CGNL1: variants seen among roughly 807,000 people sequenced by gnomAD.
CGNL1 encodes the protein cingulin-like protein 1.
In CGNL1, 132 loss-of-function variants were observed where a neutral mutation model predicts 141.2. The observed-to-expected ratio is 0.93, with a 90% CI of 0.81 to 1.08. CGNL1 has a LOEUF of 1.08. Among genes scored for constraint, CGNL1 ranks in the 50% least tolerant of loss-of-function variants. The pLI is 0.00. For synonymous variants in CGNL1, 690 were observed against 622.1 expected, an observed-to-expected ratio of 1.11 and a Z score of -1.63; for missense variants, 1,870 against 1,588.6, an observed-to-expected ratio of 1.18 and a Z score of -3.01.
chr15:57,403,492 G>T (rs1213992214), intron 1 of CGNL1, among the ~76,000 whole-genome samples: 1 of 152,134 alleles, frequency 6.6e-6, no homozygotes, highest in African/African-American at 2.4e-5. Context: ...TGATGCCAAG[G>T]AGTTTATTTC....
chr15:57,399,517 C>T (rs971612700), intron 1 of CGNL1, among the ~76,000 whole-genome samples: 7 of 149,250 alleles, frequency 4.7e-5, no homozygotes, highest in Non-Finnish European at 1.0e-4. Context: ...CAGGCTTAAT[C>T]ACCTGAAGAC....
At chr15:57,404,700 A>T (rs548962613) in intron 1 of CGNL1, among the ~76,000 whole-genome samples, 1 of 152,160 alleles carries the variant, frequency 6.6e-6, no homozygotes, top group Non-Finnish European at 1.5e-5. Context: ...GAGAACCCCA[A>T]ATTTCTTCCC....
intron 14 of CGNL1, 89 bp from the exon 15 acceptor site, chr15:57,543,607 G>T: frequency 2.6e-6 from 3 of 1,164,804 alleles, no homozygotes; most frequent in South Asian, 1.3e-5. Context: ...TAAAGTGGAG[G>T]TTGACATTCA....
At chr15:57,540,999 C>T (rs768142536) in intron 14 of CGNL1, among the ~76,000 whole-genome samples, 68 of 152,292 alleles carry the variant, frequency 4.5e-4, no homozygotes, top group African/African-American at 1.6e-3. Context: ...TGGAGGCAGG[C>T]GCCTCTGGCT....
chr15:57,394,847 C>A (rs1481354646), intron 1 of CGNL1, among the ~76,000 whole-genome samples: 1 of 152,228 alleles, frequency 6.6e-6, no homozygotes, highest in African/African-American at 2.4e-5. Context: ...CGCAGTGGCT[C>A]ATGCCTGTAA....
chr15:57,453,581 G>T, intron 6 of CGNL1, 102 bp from the exon 7 acceptor site: 1 of 1,453,522 alleles, frequency 6.9e-7, no homozygotes. Context: ...GGCTCCTTGG[G>T]GCTTTAGAGA....
intron 16 of CGNL1, 98 bp from the exon 17 acceptor site, chr15:57,545,494 G>C: frequency 9.7e-7 from 1 of 1,027,412 alleles, no homozygotes; most frequent in South Asian, 1.4e-5. Flanking sequence ...AGCTGACCAG[G>C]CACCCCTGGC....
At chr15:57,396,594 A>C (rs1249931777) in intron 1 of CGNL1, among the ~76,000 whole-genome samples, 3 of 152,176 alleles carry the variant, frequency 2.0e-5, no homozygotes, top group Non-Finnish European at 2.9e-5. Flanking sequence ...ATTCTTGTAC[A>C]TGATTTGTAT....
chr15:57,448,257 C>G (rs1227024831), intron 4 of CGNL1, among the ~76,000 whole-genome samples: 1 of 152,046 alleles, frequency 6.6e-6, no homozygotes, highest in African/African-American at 2.4e-5. Context: ...TTACAGTGAG[C>G]TGTGATCCAG....
chr15:57,487,514 T>C (rs2063800909), intron 8 of CGNL1, among the ~76,000 whole-genome samples: 3 of 152,238 alleles, frequency 2.0e-5, no homozygotes, highest in African/African-American at 7.2e-5. Flanking sequence ...AGGGTTGGCA[T>C]TCTCTGATAT....
intron 5 of CGNL1, 28 bp from the exon 6 acceptor site, chr15:57,452,113 T>A (rs1018269): frequency 0.48 from 760,496 of 1,598,636 alleles, 183,012 homozygotes; most frequent in South Asian, 0.58. Flanking sequence ...CAGTGGAGGC[T>A]CTTTAAAATC....
intron 8 of CGNL1, among the ~76,000 whole-genome samples, chr15:57,469,062 G>A (rs2152342846): frequency 6.6e-6 from 1 of 152,226 alleles, no homozygotes; most frequent in Admixed American, 6.5e-5. Flanking sequence ...GTGTGAAAAT[G>A]GACTAATACA....
intron 9 of CGNL1, among the ~76,000 whole-genome samples, chr15:57,518,146 A>C (rs1393939214): frequency 1.7e-5 from 2 of 116,884 alleles, no homozygotes; most frequent in Admixed American, 2.0e-4. Flanking sequence ...TCTCTAAAAA[A>C]ATAAAAAATA....
chr15:57,539,011 C>T (rs184632241), intron 14 of CGNL1, among the ~76,000 whole-genome samples: 165 of 152,288 alleles, frequency 1.1e-3, no homozygotes, highest in Non-Finnish European at 1.8e-3. Flanking sequence ...AGGGTGATAA[C>T]ATCTGCCTCG....
intron 7 of CGNL1, among the ~76,000 whole-genome samples, chr15:57,458,945 C>A (rs2063413089): frequency 6.6e-6 from 1 of 152,188 alleles, no homozygotes; most frequent in South Asian, 2.1e-4. Context: ...TGCAATGCAG[C>A]CCCACCCTGG....
At position 57,516,929 on chromosome 15, in the gene CGNL1, G is replaced by A; in HGVS notation, c.2553G>A (p.Gln851=). The A allele has an allele frequency of 6.2e-7, 1 of 1,614,106 alleles. No homozygotes were observed. The highest frequency in any genetic ancestry group is 8.5e-7 in the Non-Finnish European group (1 of 1,180,026). ...LERRVAQLQR[Q]IEDLKGDEAK... is the part of the protein sequence containing the mutation. ...GGAGAGTTGCTCAGCTTCAAAGGCA[G>A]ATCGAGGACCTGAAAGGCGATGAAG... The change falls in exon 9 of 19, where the codon CAG becomes CAA. Residue 851 remains glutamine (Q), a synonymous_variant. Transcript: ENST00000281282.
chr15:57,474,111 A>G (rs1254393193), intron 8 of CGNL1, among the ~76,000 whole-genome samples: 4 of 151,634 alleles, frequency 2.6e-5, no homozygotes, highest in African/African-American at 7.3e-5. Context: ...GGGTTTCACC[A>G]TATTGGCCAG....
intron 8 of CGNL1, among the ~76,000 whole-genome samples, chr15:57,464,916 G>GT (rs1434829676): frequency 1.3e-5 from 2 of 151,480 alleles, no homozygotes; most frequent in Non-Finnish European, 2.9e-5. Context: ...CGCCTGGCTA[G>GT]TTTTTTTGTA....
rs538156183 is a variant in CGNL1 at position 57,450,623 on chromosome 15, A to T, written c.1804-877A>T. The stretch of plus-strand genomic sequence containing the variant: ...TTTCCTAATGACATTGTCTGTGCTT[A>T]TAAAATTTTATTGTGCTGTGGTTTG... On this transcript the variant is annotated intron_variant, in intron 4 of 18. Coordinates refer to ENST00000281282, the MANE Select transcript of CGNL1 (RefSeq NM_032866.5). Among the ~76,000 whole-genome samples, 5 of 152,292 alleles carry T rather than the reference A, an allele frequency of 3.3e-5. No homozygotes were observed. The South Asian group carries it at 8.3e-4, about 25-fold the overall frequency.
Sources: allele counts gnomAD v4.1 joint callset (sites outside exome capture counted in the v4.1 genomes callset), GRCh38; gene constraint gnomAD v4.1.1; transcripts MANE v1.5; gene names NCBI Gene and HGNC (gene_info 2026-07-23, HGNC 2026-07-21).